The following NAV3 variants were observed in gnomAD, a reference collection of about 807,000 sequenced individuals.
NAV3 encodes the protein pore membrane and/or filament interacting like protein 1.
NAV3 carries 87 observed loss-of-function variants against 244.7 expected under a neutral mutation model. The ratio of observed to expected loss-of-function variants is 0.36; its 90% CI spans 0.30 to 0.42. The LOEUF is 0.42. Among genes scored for constraint, NAV3 ranks in the 20% least tolerant of loss-of-function variants. The pLI is 1.00. For synonymous variants in NAV3, 1,126 were observed against 1,042.2 expected (o/e 1.08, Z -1.55); for missense variants, 2,663 against 2,893.3 (o/e 0.92, Z 1.83).
chr12:77,591,504 A>T (rs1327512665), intron 2 of NAV3, among the ~76,000 whole-genome samples: 1 of 152,222 alleles, frequency 6.6e-6, no homozygotes, highest in African/African-American at 2.4e-5. Context: ...TCTACACAGA[A>T]GGAAGAAGCT....
intron 22 of NAV3, among the ~76,000 whole-genome samples, chr12:78,157,571 A>T (rs1957357831): frequency 6.6e-6 from 1 of 152,016 alleles, no homozygotes; most frequent in Non-Finnish European, 1.5e-5. Flanking sequence ...AGAATAAAAT[A>T]AATAATTAAA....
chr12:77,959,313 T>C (rs1370192457), intron 3 of NAV3, among the ~76,000 whole-genome samples: 6 of 152,044 alleles, frequency 3.9e-5, no homozygotes, highest in Non-Finnish European at 5.9e-5. Context: ...TTAAGTGTAG[T>C]AGAGTTTAAG....
rs1473173478 is a variant in NAV3, at chr12:78,211,448, G to C, written c.*931G>C. On this transcript the variant is annotated 3_prime_UTR_variant, in exon 40 of 40. Coordinates refer to ENST00000397909, the MANE Select transcript of NAV3 (RefSeq NM_001024383.2). ...CCAAGCAACACCAGTTAACATAGTA[G>C]CCTCATCTCTATATATCTTTCTCTT... is the stretch of plus-strand genomic sequence containing the variant. 1 of 150,576 alleles carries C rather than the reference G, an allele frequency of 6.6e-6. No homozygotes were observed. The highest frequency in any genetic ancestry group is 1.5e-5 in the Non-Finnish European group (1 of 67,778). 9.3% of individuals were successfully genotyped at this position (150,576 alleles called of 1,614,324 possible). A position where few individuals can be genotyped will look rare whatever the true frequency, so the allele number is the denominator to read the frequency against.
intron 2 of NAV3, among the ~76,000 whole-genome samples, chr12:77,610,011 C>T (rs1333515486): frequency 6.6e-6 from 1 of 152,000 alleles, no homozygotes; most frequent in Non-Finnish European, 1.5e-5. Context: ...ACGTCAACCA[C>T]AGGAAAATTT....
At position 78,146,443 on chromosome 12, in the gene NAV3, C is replaced by T. The variant is rs758738964; in HGVS notation, c.4707+51C>T. On this transcript the variant is annotated intron_variant, in intron 21 of 39. Transcript: ENST00000397909. ...AATATTTTCTATTTTAGTTTGCATT[C>T]ATGATGAAATTAGTCTTGTGACCAC... 2 of 835,404 alleles carry T rather than the reference C, an allele frequency of 2.4e-6. 1 individual carries two copies. The highest frequency in any genetic ancestry group is 6.4e-5 in the South Asian group (2 of 31,008). The allele number at this position is 835,404 out of a possible 1,614,324, so 51.7% of individuals were successfully genotyped here.
chr12:77,839,846 G>T (rs1044792271), intron 1 of NAV3, among the ~76,000 whole-genome samples: 3 of 152,162 alleles, frequency 2.0e-5, no homozygotes, highest in African/African-American at 7.2e-5. Flanking sequence ...AAGGAAAGTG[G>T]ATCACCTGAG....
Position 78,210,737 on chromosome 12 carries a change from G to A in NAV3, c.*220G>A. The A allele has an allele frequency of 5.5e-6, 3 of 543,360 alleles. No individual in the cohort carries two copies. Among genetic ancestry groups the A allele is most frequent in the East Asian group, 3.4e-5 (1 of 29,474 alleles). The allele number at this position is 543,360 out of a possible 1,614,324, so 33.7% of individuals were successfully genotyped here. The stretch of plus-strand genomic sequence containing the variant: ...TTATTTCTAAGCATTTTTTATATCT[G>A]TGGAGTAATAGAAAGCTCCATTACT... On this transcript the variant is annotated 3_prime_UTR_variant, in exon 40 of 40. Coordinates refer to ENST00000397909, the MANE Select transcript of NAV3 (RefSeq NM_001024383.2).
chr12:78,140,438 C>A, intron 20 of NAV3, 104 bp downstream of exon 20: 1 of 1,055,776 alleles, frequency 9.5e-7, no homozygotes, highest in Non-Finnish European at 1.4e-6. Context: ...ATGACTTGCA[C>A]AGGAGTTGTG....
intron 2 of NAV3, among the ~76,000 whole-genome samples, chr12:77,598,178 G>C (rs1870256080): frequency 6.6e-6 from 1 of 152,002 alleles, no homozygotes; most frequent in East Asian, 1.9e-4. Context: ...CAGCAAATTT[G>C]TGATCTTAAG....
At chr12:78,100,438 A>G (rs1326421816) in intron 12 of NAV3, among the ~76,000 whole-genome samples, 1 of 151,854 alleles carries the variant, frequency 6.6e-6, no homozygotes. Flanking sequence ...TTTTTCTTTC[A>G]TCACTTTCCA....
At chr12:78,054,213 A>G (rs1474109990) in intron 11 of NAV3, among the ~76,000 whole-genome samples, 1 of 152,228 alleles carries the variant, frequency 6.6e-6, no homozygotes, top group Non-Finnish European at 1.5e-5. Context: ...TACATATATA[A>G]GAAAAGTACA....
At chr12:77,656,571 T>C in intron 2 of NAV3, among the ~76,000 whole-genome samples, 1 of 127,478 alleles carries the variant, frequency 7.8e-6, no homozygotes, top group Non-Finnish European at 1.6e-5. Flanking sequence ...TCAACAAGGA[T>C]ACCCAGGAAT....
At chr12:77,658,145 T>A (rs1246654528) in intron 2 of NAV3, among the ~76,000 whole-genome samples, 1 of 152,116 alleles carries the variant, frequency 6.6e-6, no homozygotes, top group Non-Finnish European at 1.5e-5. Flanking sequence ...GGGTATTCAA[T>A]TAGGAAAAGA....
At chr12:77,630,696 A>C (rs2136916038) in intron 2 of NAV3, among the ~76,000 whole-genome samples, 1 of 152,250 alleles carries the variant, frequency 6.6e-6, no homozygotes, top group South Asian at 2.1e-4. Context: ...GCTTATATTT[A>C]AGGCTTTAGG....
chr12:77,736,274 A>C (rs1877330338), intron 2 of NAV3, among the ~76,000 whole-genome samples: 1 of 152,240 alleles, frequency 6.6e-6, no homozygotes, highest in African/African-American at 2.4e-5. Flanking sequence ...CAATAGATAC[A>C]AAAACCCTTT....
intron 2 of NAV3, among the ~76,000 whole-genome samples, chr12:77,585,375 A>C (rs765244481): frequency 6.6e-6 from 1 of 152,106 alleles, no homozygotes; most frequent in Non-Finnish European, 1.5e-5. Flanking sequence ...GTTTGATTCT[A>C]TCTCTTTTAC....
chr12:77,890,469 A>G (rs1883800714), intron 1 of NAV3, among the ~76,000 whole-genome samples: 1 of 152,050 alleles, frequency 6.6e-6, no homozygotes. Context: ...TTAGCAACAT[A>G]TTTTCATTTC....
chr12:77,805,349 C>G (rs1364823142), intron 2 of NAV3, among the ~76,000 whole-genome samples: 1 of 152,130 alleles, frequency 6.6e-6, no homozygotes, highest in Non-Finnish European at 1.5e-5. Context: ...CCATCAATAC[C>G]TAGTTTATTG....
intron 5 of NAV3, among the ~76,000 whole-genome samples, chr12:77,978,512 A>T (rs1014071204): frequency 5.3e-5 from 8 of 152,182 alleles, no homozygotes; most frequent in African/African-American, 1.7e-4. Flanking sequence ...ACTATATGAA[A>T]TTATTTATTA....
Sources: gnomAD v4.1 joint callset for allele counts (sites outside exome capture counted in the v4.1 genomes callset) on GRCh38, gnomAD v4.1.1 for gene constraint, MANE v1.5 for transcripts, NCBI Gene and HGNC (gene_info 2026-07-23, HGNC 2026-07-21) for gene names.